Variants in WDFY4 observed in about 807,000 individuals in gnomAD.
The protein encoded by WDFY4 is WD repeat- and FYVE domain-containing protein 4.
A neutral mutation model predicts 351.9 loss-of-function variants in WDFY4; 169 were observed. The ratio of observed to expected loss-of-function variants is 0.48; its 90% CI spans 0.42 to 0.55. The LOEUF is 0.55. Among genes scored for constraint, WDFY4 ranks in the 20% least tolerant of loss-of-function variants. The pLI, the probability that WDFY4 is intolerant of heterozygous loss-of-function variation, is 0.00. For synonymous variants in WDFY4, 1,622 were observed against 1,574.6 expected (o/e 1.03, Z -0.71); for missense variants, 3,803 against 3,935.6 (o/e 0.97, Z 0.90).
At chr10:48,860,107 G>A (rs780813374) in intron 39 of WDFY4, among the ~76,000 whole-genome samples, 5 of 152,132 alleles carry the variant, frequency 3.3e-5, no homozygotes, top group Non-Finnish European at 7.4e-5. Context: ...GTTTCTAAAG[G>A]TTTGTAAATT....
chr10:48,751,604 G>A (rs747584622), intron 12 of WDFY4, among the ~76,000 whole-genome samples: 12 of 152,204 alleles, frequency 7.9e-5, no homozygotes, highest in Non-Finnish European at 1.5e-4. Context: ...CTAGAGTTTT[G>A]GAAGAGGATG....
At chr10:48,691,537 G>A (rs1457362661) in intron 1 of WDFY4, among the ~76,000 whole-genome samples, 1 of 152,204 alleles carries the variant, frequency 6.6e-6, no homozygotes, top group Non-Finnish European at 1.5e-5. Context: ...CTGGAGTTGG[G>A]GGGCTGTCTG....
chr10:48,884,805 C>T (rs1277677587), intron 43 of WDFY4, among the ~76,000 whole-genome samples: 1 of 152,152 alleles, frequency 6.6e-6, no homozygotes, highest in Non-Finnish European at 1.5e-5. Flanking sequence ...ACCGCTGCCG[C>T]CTCTTCCATC....
At chr10:48,789,248 A>G (rs2066598054) in intron 21 of WDFY4, among the ~76,000 whole-genome samples, 2 of 152,236 alleles carry the variant, frequency 1.3e-5, no homozygotes, top group Non-Finnish European at 2.9e-5. Flanking sequence ...ATATGTTTGT[A>G]GATGGGGATG....
At chr10:48,957,437 G>A (rs1471169766) in intron 52 of WDFY4, among the ~76,000 whole-genome samples, 155 bp downstream of exon 52, 1 of 152,234 alleles carries the variant, frequency 6.6e-6, no homozygotes, top group Non-Finnish European at 1.5e-5. Flanking sequence ...GTGCCCAGAA[G>A]GAAAGGTGGT....
intron 13 of WDFY4, among the ~76,000 whole-genome samples, chr10:48,764,392 C>T (rs757812568): frequency 6.6e-6 from 1 of 152,170 alleles, no homozygotes; most frequent in Non-Finnish European, 1.5e-5. Context: ...TTTTACTATG[C>T]ACAGTGCAAA....
chr10:48,691,447 C>T (rs1428949963), intron 1 of WDFY4, among the ~76,000 whole-genome samples: 1 of 152,174 alleles, frequency 6.6e-6, no homozygotes, highest in Non-Finnish European at 1.5e-5. Flanking sequence ...CCATGCTGCT[C>T]TCCTGTCACG....
intron 40 of WDFY4, among the ~76,000 whole-genome samples, chr10:48,870,421 C>T (rs868807559): frequency 1.4e-4 from 21 of 152,070 alleles, no homozygotes; most frequent in South Asian, 1.2e-3. Context: ...ACCTTTAGTT[C>T]TAGGTACTCA....
chr10:48,912,832 G>C (rs1838130012), intron 47 of WDFY4, among the ~76,000 whole-genome samples: 1 of 152,224 alleles, frequency 6.6e-6, no homozygotes, highest in African/African-American at 2.4e-5. Context: ...AGAAAACATT[G>C]CTTTGGGCCT....
chr10:48,759,398 T>C (rs549370259), intron 12 of WDFY4, among the ~76,000 whole-genome samples: 3 of 152,310 alleles, frequency 2.0e-5, no homozygotes, highest in African/African-American at 7.2e-5. Context: ...TTCTTCCCTG[T>C]GTCACTGGTA....
At chr10:48,876,545 A>G (rs111890568) in intron 42 of WDFY4, among the ~76,000 whole-genome samples, 16 of 152,352 alleles carry the variant, frequency 1.1e-4, no homozygotes, top group African/African-American at 3.8e-4. Context: ...TATTAGCACT[A>G]TCTCTGGGTG....
intron 1 of WDFY4, among the ~76,000 whole-genome samples, chr10:48,693,947 CTTTGATGAATCCGGAG>C (rs2063263877): frequency 6.6e-6 from 1 of 152,162 alleles, no homozygotes; most frequent in Non-Finnish European, 1.5e-5. Context: ...CTTTTTTGTG[CTTTGATGAATCCGGAG>C]AACTAAGAGA....
chr10:48,875,148 G>T lies in WDFY4; in HGVS notation c.7000+8G>T. Reference sequence around the variant, plus strand: ...CAAATGCTGAAAACCAAGGTATTCAGTTTATCTATTTTTTCCTTTAATAGT... The same window carrying T: ...CAAATGCTGAAAACCAAGGTATTCATTTTATCTATTTTTTCCTTTAATAGT... On this transcript the variant is annotated splice_region_variant and intron_variant, in intron 42 of 61. Transcript: ENST00000325239. The T allele has an allele frequency of 2.1e-6, 3 of 1,429,036 alleles. No homozygotes were observed. Among genetic ancestry groups the T allele is most frequent in the African/African-American group, 1.5e-5 (1 of 68,400 alleles). The allele number at this position is 1,429,036 out of a possible 1,614,324, so 88.5% of individuals were successfully genotyped here.
At position 48,901,724 on chromosome 10, in the gene WDFY4, G is replaced by A. The variant is rs1181413680; in HGVS notation, c.7524-77G>A. The A allele has an allele frequency of 2.7e-6, 4 of 1,469,192 alleles. No homozygotes were observed. The African/African-American group carries it at 5.6e-5, about 21-fold the overall frequency. The allele number at this position is 1,469,192 out of a possible 1,614,324, so 91.0% of individuals were successfully genotyped here. On this transcript the variant is annotated intron_variant, in intron 46 of 61. Transcript: ENST00000325239. ...CAATAATGAGCCTAGCTTCCTGCCT[G>A]ACTCCGGAAATGCCTCTGCAGCAGG...
intron 1 of WDFY4, among the ~76,000 whole-genome samples, chr10:48,699,143 G>A (rs1417669878): frequency 6.6e-6 from 1 of 152,240 alleles, no homozygotes; most frequent in African/African-American, 2.4e-5. Context: ...GGGAGGTGAG[G>A]AGAGGGAAGT....
intron 19 of WDFY4, 51 bp downstream of exon 19, chr10:48,780,170 A>G: frequency 6.5e-7 from 1 of 1,543,948 alleles, no homozygotes; most frequent in Non-Finnish European, 8.8e-7. Flanking sequence ...ACCTCCTGCT[A>G]CTACCCTGAA....
At chr10:48,913,745 G>A (rs1838232764) in intron 47 of WDFY4, 1 of 1,613,816 alleles carries the variant, frequency 6.2e-7, no homozygotes. Flanking sequence ...CCAGTGTGGT[G>A]GGCACGCTGT....
Position 48,685,242 on chromosome 10 carries a change from G to C in WDFY4, c.-18+241G>C, listed in dbSNP as rs1249251518. On this transcript the variant is annotated intron_variant, in intron 1 of 61. Coordinates refer to ENST00000325239, the MANE Select transcript of WDFY4 (RefSeq NM_001394531.1). ...CCAGGGCCTGGGTCTGCCTGAGTGT[G>C]TGTCACTGCTGAAGTTTGGGAGTCA... Among the ~76,000 whole-genome samples the C allele has an allele frequency of 2.0e-5, 3 of 152,344 alleles. No homozygotes were observed. The East Asian group carries it at 5.8e-4, about 29-fold the overall frequency.
intron 39 of WDFY4, among the ~76,000 whole-genome samples, chr10:48,847,200 C>T (rs1162028180): frequency 7.9e-5 from 12 of 152,154 alleles, no homozygotes; most frequent in Admixed American, 7.9e-4. Context: ...TCCCCATGTC[C>T]TCACGTGGTC....
Sources: gnomAD v4.1 joint callset for allele counts (sites outside exome capture counted in the v4.1 genomes callset) on GRCh38, gnomAD v4.1.1 for gene constraint, MANE v1.5 for transcripts, NCBI Gene and HGNC (gene_info 2026-07-23, HGNC 2026-07-21) for gene names.